NCALD: variants seen among roughly 807,000 people sequenced by gnomAD.
The protein encoded by NCALD is neurocalcin delta.
A neutral mutation model predicts 18.6 loss-of-function variants in NCALD; 10 were observed. The observed-to-expected ratio is 0.54, with a 90% CI of 0.33 to 0.91. The LOEUF (loss-of-function observed/expected upper bound fraction) is 0.91, where lower values mean the gene tolerates loss of function less well. NCALD is among the 40% of genes least tolerant of loss of function. The pLI is 0.03. For synonymous variants in NCALD, 88 were observed against 87.4 expected (o/e 1.01, Z -0.04); for missense variants, 184 against 247.6 (o/e 0.74, Z 1.72).
chr8:101,881,764 T>G (rs1364438918), intron 4 of NCALD, among the ~76,000 whole-genome samples: 2 of 152,200 alleles, frequency 1.3e-5, no homozygotes, highest in Non-Finnish European at 2.9e-5. Flanking sequence ...ACGTTAGAAT[T>G]TCACATGCTT....
chr8:101,776,703 A>G (rs1463928201), intron 1 of NCALD, among the ~76,000 whole-genome samples: 1 of 152,182 alleles, frequency 6.6e-6, no homozygotes, highest in Non-Finnish European at 1.5e-5. Context: ...GTCCCTGTGA[A>G]GTGAGGACTT....
In NCALD at chr8:101,689,204, G is replaced by A. The variant is rs1480207167; in HGVS notation, c.*105C>T. The A allele has an allele frequency of 4.9e-6, 5 of 1,018,924 alleles. No homozygotes were observed. The highest frequency in any genetic ancestry group is 3.2e-5 in the African/African-American group (2 of 61,874). The allele number at this position is 1,018,924 out of a possible 1,614,324, so 63.1% of individuals were successfully genotyped here. On this transcript the variant is annotated 3_prime_UTR_variant, in exon 4 of 4. Coordinates refer to ENST00000220931, the MANE Select transcript of NCALD (RefSeq NM_032041.3). The surrounding 1 kb of genome is among the most constrained non-coding windows in gnomAD (Gnocchi z 4.4). The stretch of plus-strand genomic sequence containing the variant: ...AGGCGCATCAGACCGCACAGGGGAC[G>A]GCATCACCATTGATATTGTTTGGCA...
intron 2 of NCALD, among the ~76,000 whole-genome samples, chr8:102,003,310 C>T (rs1821553398): frequency 6.6e-6 from 1 of 152,232 alleles, no homozygotes; most frequent in Non-Finnish European, 1.5e-5. Flanking sequence ...GACATATACA[C>T]TCTCCCAAGA....
chr8:102,104,213 A>G (rs919382532), intron 1 of NCALD, among the ~76,000 whole-genome samples: 1 of 152,234 alleles, frequency 6.6e-6, no homozygotes, highest in African/African-American at 2.4e-5. Flanking sequence ...TATTAAGATC[A>G]TCGATATATA....
In NCALD at chr8:101,689,492, C is replaced by T. The variant is rs1029035394; in HGVS notation, c.485-86G>A. On this transcript the variant is annotated intron_variant, in intron 3 of 3. Coordinates refer to ENST00000220931, the MANE Select transcript of NCALD (RefSeq NM_032041.3). The surrounding 1 kb of genome is among the most constrained non-coding windows in gnomAD (Gnocchi z 4.4). The stretch of plus-strand genomic sequence containing the variant: ...CCCACTACTGCGTGCTGGGCAGTGT[C>T]GATTCACCTGCCTGCAGCCTCACTG... 5.9e-6 allele frequency: 6 copies of T among 1,016,750 alleles called. No individual in the cohort carries two copies. The highest frequency in any genetic ancestry group is 7.4e-6 in the Non-Finnish European group (5 of 674,142). 63.0% of individuals were successfully genotyped at this position (1,016,750 alleles called of 1,614,324 possible).
At chr8:102,060,994 C>T (rs1030199582) in intron 1 of NCALD, among the ~76,000 whole-genome samples, 3 of 152,288 alleles carry the variant, frequency 2.0e-5, no homozygotes, top group East Asian at 1.9e-4. Flanking sequence ...TTAGCTTGAT[C>T]GTGCTCTTTC....
intron 4 of NCALD, among the ~76,000 whole-genome samples, chr8:101,829,266 C>G (rs1445034336): frequency 6.6e-6 from 1 of 152,100 alleles, no homozygotes; most frequent in Admixed American, 6.5e-5. Context: ...AACTGAATAA[C>G]TCATCTTAAA....
chr8:101,807,955 T>C (rs953033618), intron 4 of NCALD, among the ~76,000 whole-genome samples: 2 of 151,934 alleles, frequency 1.3e-5, no homozygotes, highest in African/African-American at 4.8e-5. Flanking sequence ...AACTATGGAA[T>C]GGAAAACAAG....
chr8:101,748,294 A>G (rs986636761), intron 1 of NCALD, among the ~76,000 whole-genome samples: 1 of 152,240 alleles, frequency 6.6e-6, no homozygotes, highest in African/African-American at 2.4e-5. Flanking sequence ...TGACACAAGT[A>G]AAAATTCAAT....
chr8:101,708,669 G>T (rs1435237936), intron 2 of NCALD, among the ~76,000 whole-genome samples: 2 of 152,182 alleles, frequency 1.3e-5, no homozygotes, highest in Non-Finnish European at 2.9e-5. Context: ...ATCCGGAAAT[G>T]GATGCCAGAG....
chr8:101,999,227 A>G (rs1311965330), intron 2 of NCALD, among the ~76,000 whole-genome samples: 1 of 152,182 alleles, frequency 6.6e-6, no homozygotes, highest in Non-Finnish European at 1.5e-5. Flanking sequence ...AGCACAATTC[A>G]CAATTGCAAA....
chr8:101,921,812 T>C (rs1818175297), intron 2 of NCALD, among the ~76,000 whole-genome samples: 1 of 152,212 alleles, frequency 6.6e-6, no homozygotes, highest in Non-Finnish European at 1.5e-5. Flanking sequence ...CTATAGAAGA[T>C]GTTTGGTTTA....
Position 101,719,503 on chromosome 8 carries a change from A to G in NCALD, c.127T>C (p.Leu43=), listed in dbSNP as rs750526411. 24 of 1,614,186 alleles carry G rather than the reference A, an allele frequency of 1.5e-5. No homozygotes were observed. In the South Asian group the frequency reaches 2.6e-4, roughly 18 times the overall value. Reference sequence around the variant, plus strand: ...ATTTTCTTAAACTCTTCCATTGACAAATGTCCACTGGGGCAGTCTCTCAAG... The same window carrying G: ...ATTTTCTTAAACTCTTCCATTGACAGATGTCCACTGGGGCAGTCTCTCAAG... ...GFLRDCPSGH[L]SMEEFKKIYG... The change falls in exon 2 of 4, where the codon TTG becomes CTG. Residue 43 remains leucine (L), a synonymous_variant. Transcript: ENST00000220931.
At chr8:101,760,405 C>T (rs538058983) in intron 1 of NCALD, among the ~76,000 whole-genome samples, 1 of 152,274 alleles carries the variant, frequency 6.6e-6, no homozygotes, top group Non-Finnish European at 1.5e-5. Flanking sequence ...ACAGGCCATA[C>T]TGCAAAATAT....
intron 2 of NCALD, among the ~76,000 whole-genome samples, chr8:101,948,094 T>C (rs1455812489): frequency 2.6e-5 from 4 of 152,212 alleles, no homozygotes; most frequent in Non-Finnish European, 4.4e-5. Flanking sequence ...CAGGAAAATA[T>C]GTGATGGGTT....
At chr8:101,905,590 C>T (rs1230198869) in intron 3 of NCALD, among the ~76,000 whole-genome samples, 1 of 152,154 alleles carries the variant, frequency 6.6e-6, no homozygotes, top group African/African-American at 2.4e-5. Flanking sequence ...TGACTAGTCC[C>T]CCAACTTCTA....
rs148849726 is a variant in NCALD at position 101,806,420 on chromosome 8, G to A, written c.-20+80721C>T. Among the ~76,000 whole-genome samples, 869 of 152,192 alleles carry A rather than the reference G, an allele frequency of 5.7e-3. 11 individuals are homozygous for A. Among genetic ancestry groups the A allele is most frequent in the African/African-American group, 0.018 (764 of 41,532 alleles). On this transcript the variant is annotated intron_variant, in intron 4 of 6. Transcript: ENST00000311028. ...ATTTCAAAGCAGCTATTATAAATAT[G>A]TTAAAAGAACTAAAGAAAATCATAC... is the stretch of plus-strand genomic sequence containing the variant.
chr8:102,049,964 C>G (rs1454661676), intron 1 of NCALD, among the ~76,000 whole-genome samples: 1 of 150,612 alleles, frequency 6.6e-6, no homozygotes, highest in South Asian at 2.1e-4. Context: ...AGATCGAGAC[C>G]ATCCTGGCTA....
intron 3 of NCALD, chr8:101,915,718 C>T (rs892119776): frequency 2.6e-5 from 4 of 152,100 alleles, no homozygotes; most frequent in Admixed American, 1.3e-4. Flanking sequence ...CTTGATAAAA[C>T]ATTTGAACAG....
Sources: allele counts gnomAD v4.1 joint callset (sites outside exome capture counted in the v4.1 genomes callset), GRCh38; gene constraint gnomAD v4.1.1; non-coding constraint Gnocchi (gnomAD v3.1); transcripts MANE v1.5; gene names NCBI Gene and HGNC (gene_info 2026-07-23, HGNC 2026-07-21).